ROBO2: variants seen among roughly 807,000 people sequenced by gnomAD.
ROBO2 encodes the protein roundabout homolog 2.
A neutral mutation model predicts 160.8 loss-of-function variants in ROBO2; 53 were observed. The ratio of observed to expected loss-of-function variants is 0.33; its 90% CI spans 0.26 to 0.41. ROBO2 has a LOEUF of 0.41. ROBO2 is among the 10% of genes least tolerant of loss of function. The pLI is 1.00. For missense variants in ROBO2, 1,577 were observed against 1,722.4 expected (o/e 0.92, Z 1.49); for synonymous variants, 664 against 611.7 (o/e 1.09, Z -1.26).
At chr3:77,183,249 A>G (rs1016124295) in intron 2 of ROBO2, among the ~76,000 whole-genome samples, 2 of 152,114 alleles carry the variant, frequency 1.3e-5, no homozygotes, top group East Asian at 1.9e-4. Flanking sequence ...AGAATTCCAC[A>G]TTCTCCAATG....
At chr3:77,580,140 C>A in intron 16 of ROBO2, 22 bp downstream of exon 17, 2 of 1,612,410 alleles carry the variant, frequency 1.2e-6, no homozygotes, top group South Asian at 1.1e-5. Context: ...ACTATGTGGT[C>A]TGTGCTTTAG....
intron 2 of ROBO2, among the ~76,000 whole-genome samples, chr3:76,354,870 A>G (rs1364813050): frequency 6.6e-6 from 1 of 151,862 alleles, no homozygotes; most frequent in Non-Finnish European, 1.5e-5. Context: ...TTTGTAAATT[A>G]CTAAACTAAG....
intron 2 of ROBO2, among the ~76,000 whole-genome samples, chr3:77,348,792 A>G (rs1371404423): frequency 1.3e-5 from 2 of 152,106 alleles, no homozygotes; most frequent in Non-Finnish European, 2.9e-5. Context: ...TGCCCACCAC[A>G]GCTCTGACCT....
chr3:77,269,727 A>G (rs1321209993), intron 2 of ROBO2, among the ~76,000 whole-genome samples: 4 of 152,140 alleles, frequency 2.6e-5, no homozygotes, highest in East Asian at 3.9e-4. Flanking sequence ...TAATATATGT[A>G]TTTCTGAGAT....
intron 2 of ROBO2, among the ~76,000 whole-genome samples, chr3:76,312,752 A>C (rs1004781376): frequency 6.6e-6 from 1 of 152,206 alleles, no homozygotes; most frequent in Admixed American, 6.5e-5. Context: ...TATGGTCAGT[A>C]CCTATAGCAT....
chr3:77,355,810 A>T (rs1581289801), intron 2 of ROBO2, among the ~76,000 whole-genome samples: 1 of 152,172 alleles, frequency 6.6e-6, no homozygotes, highest in East Asian at 1.9e-4. Flanking sequence ...AGGACACCAT[A>T]ATCAAAACTG....
intron 17 of ROBO2, 28 bp downstream of exon 18, chr3:77,588,961 T>A: frequency 6.2e-7 from 1 of 1,609,662 alleles, no homozygotes; most frequent in East Asian, 2.2e-5. Flanking sequence ...GCTAAGAAAA[T>A]CTCTTGTCTG....
At chr3:76,047,935 T>G (rs2107798453) in intron 2 of ROBO2, among the ~76,000 whole-genome samples, 1 of 152,346 alleles carries the variant, frequency 6.6e-6, no homozygotes, top group South Asian at 2.1e-4. Context: ...AATTATATTC[T>G]TAATGAATAT....
chr3:75,937,803 A>G (rs1947853049), intron 2 of ROBO2, among the ~76,000 whole-genome samples: 1 of 143,520 alleles, frequency 7.0e-6, no homozygotes, highest in South Asian at 2.2e-4. Flanking sequence ...AATTGAAGCC[A>G]TCTTTCTGAA....
intron 2 of ROBO2, among the ~76,000 whole-genome samples, chr3:77,415,626 T>A (rs532478388): frequency 6.6e-6 from 1 of 152,116 alleles, no homozygotes; most frequent in Non-Finnish European, 1.5e-5. Flanking sequence ...GCACTCAGCT[T>A]GCACTACCAA....
chr3:75,949,962 GA>G (rs1948473886), intron 2 of ROBO2, among the ~76,000 whole-genome samples: 1 of 152,124 alleles, frequency 6.6e-6, no homozygotes, highest in South Asian at 2.1e-4. Context: ...ATTTAAGACT[GA>G]AAGTACATTA....
chr3:77,207,280 TTCTA>T (rs1315360106), intron 2 of ROBO2, among the ~76,000 whole-genome samples: 1 of 152,218 alleles, frequency 6.6e-6, no homozygotes, highest in Non-Finnish European at 1.5e-5. Context: ...TTATTTCTTT[TTCTA>T]TCTATTTTAG....
At chr3:76,088,677 A>C (rs2069111238) in intron 2 of ROBO2, among the ~76,000 whole-genome samples, 1 of 152,146 alleles carries the variant, frequency 6.6e-6, no homozygotes, top group Non-Finnish European at 1.5e-5. Context: ...TGAATTTAAA[A>C]GAAAATACAG....
Position 77,465,231 on chromosome 3 carries a change from G to A in ROBO2, c.389-12183G>A, listed in dbSNP as rs147130375. On this transcript the variant is annotated intron_variant, in intron 2 of 25. Transcript: ENST00000461745. ...TTTTAGTAATATGGCATAATGAAGTGCCTCGATCATGTCAAAATAATGGAG... is the reference window on the plus strand; with the variant it reads ...TTTTAGTAATATGGCATAATGAAGTACCTCGATCATGTCAAAATAATGGAG... 2.2e-3 allele frequency among the ~76,000 whole-genome samples: 329 copies of A among 152,224 alleles called. 1 individual carries two copies. The South Asian group carries it at 0.023, about 11-fold the overall frequency.
intron 2 of ROBO2, among the ~76,000 whole-genome samples, chr3:77,261,721 A>G (rs958014923): frequency 2.0e-5 from 3 of 151,926 alleles, no homozygotes; most frequent in Non-Finnish European, 2.9e-5. Context: ...AATCAATGCA[A>G]CTATGGCAAA....
intron 6 of ROBO2, among the ~76,000 whole-genome samples, chr3:77,524,199 A>G (rs1176051826): frequency 6.6e-6 from 1 of 151,268 alleles, no homozygotes; most frequent in African/African-American, 2.4e-5. Flanking sequence ...ATATTTAGAC[A>G]AAATTGACAG....
At chr3:76,385,079 C>T (rs1306687259) in intron 2 of ROBO2, among the ~76,000 whole-genome samples, 1 of 152,152 alleles carries the variant, frequency 6.6e-6, no homozygotes, top group African/African-American at 2.4e-5. Context: ...ACTGCAGCCT[C>T]AACCTTCCAG....
At chr3:76,584,788 A>G (rs2085928243) in intron 2 of ROBO2, among the ~76,000 whole-genome samples, 1 of 152,170 alleles carries the variant, frequency 6.6e-6, no homozygotes, top group Non-Finnish European at 1.5e-5. Flanking sequence ...CTTGATAATA[A>G]TATGCTCTGT....
intron 1 of ROBO2, among the ~76,000 whole-genome samples, chr3:77,075,712 C>T (rs1260616832): frequency 9.1e-6 from 1 of 109,514 alleles, no homozygotes; most frequent in African/African-American, 3.7e-5. Flanking sequence ...GAGTCTTGCT[C>T]GTGTCACCCA....
Sources: allele counts gnomAD v4.1 joint callset (sites outside exome capture counted in the v4.1 genomes callset), GRCh38; gene constraint gnomAD v4.1.1; transcripts MANE v1.5; gene names NCBI Gene and HGNC (gene_info 2026-07-23, HGNC 2026-07-21).